RBFOX1: variants seen among roughly 807,000 people sequenced by gnomAD.
The protein encoded by RBFOX1 is RNA binding fox-1 homolog 1.
A neutral mutation model predicts 57.7 loss-of-function variants in RBFOX1; 8 were observed. The ratio of observed to expected loss-of-function variants is 0.14; its 90% CI spans 0.08 to 0.25. RBFOX1 has a LOEUF of 0.25. Ranked by LOEUF, RBFOX1 falls within the 10% of genes least tolerant of loss-of-function variation. The pLI is 1.00. For synonymous variants in RBFOX1, 326 were observed against 222.4 expected, an observed-to-expected ratio of 1.47 and a Z score of -4.15; for missense variants, 611 against 548.5, an observed-to-expected ratio of 1.11 and a Z score of -1.14.
intron 2 of RBFOX1, among the ~76,000 whole-genome samples, chr16:5,591,382 G>A (rs59831431): frequency 0.14 from 21,838 of 151,672 alleles, 2,051 homozygotes; most frequent in East Asian, 0.45. Context: ...CTCCCTAGTA[G>A]CTGGGACTAC....
intron 1 of RBFOX1, among the ~76,000 whole-genome samples, chr16:6,082,740 A>G (rs1391428852): frequency 6.6e-6 from 1 of 152,110 alleles, no homozygotes; most frequent in African/African-American, 2.4e-5. Context: ...GATCACTCAA[A>G]TAGAACTAGG....
chr16:6,611,936 T>C (rs1276003168), intron 2 of RBFOX1, among the ~76,000 whole-genome samples: 1 of 152,142 alleles, frequency 6.6e-6, no homozygotes, highest in Non-Finnish European at 1.5e-5. Context: ...TGGTAGCTTC[T>C]GCAGTCACCT....
intron 3 of RBFOX1, among the ~76,000 whole-genome samples, chr16:6,966,516 C>T (rs995768623): frequency 8.6e-5 from 13 of 151,762 alleles, no homozygotes; most frequent in East Asian, 1.9e-4. Flanking sequence ...GAGGGGCGGA[C>T]GGGGGAAGAC....
At chr16:5,833,174 T>C (rs2151830992) in intron 3 of RBFOX1, among the ~76,000 whole-genome samples, 1 of 152,274 alleles carries the variant, frequency 6.6e-6, no homozygotes, top group South Asian at 2.1e-4. Context: ...CTCCTAATTT[T>C]CTAGTCCAGG....
chr16:7,709,697 T>G, intron 15 of RBFOX1: 1 of 1,207,282 alleles, frequency 8.3e-7, no homozygotes, highest in Admixed American at 3.7e-5. Context: ...AGGAATCAGC[T>G]GGGTTTGGGG....
At chr16:6,722,916 G>A (rs1204319590) in intron 3 of RBFOX1, among the ~76,000 whole-genome samples, 1 of 152,206 alleles carries the variant, frequency 6.6e-6, no homozygotes, top group Non-Finnish European at 1.5e-5. Flanking sequence ...GTGAATATTT[G>A]TGGTTGGGGA....
chr16:7,274,450 C>G (rs1209100924), intron 4 of RBFOX1, among the ~76,000 whole-genome samples: 1 of 152,034 alleles, frequency 6.6e-6, no homozygotes, highest in African/African-American at 2.4e-5. Context: ...CAACTTTATG[C>G]AAGCTTAGCA....
At chr16:6,997,415 G>A (rs777589240) in intron 3 of RBFOX1, among the ~76,000 whole-genome samples, 1 of 152,150 alleles carries the variant, frequency 6.6e-6, no homozygotes, top group Non-Finnish European at 1.5e-5. Flanking sequence ...GAGGGAAACG[G>A]CTGCTTGATC....
At chr16:6,661,812 G>A (rs149179029) in intron 3 of RBFOX1, among the ~76,000 whole-genome samples, 66 of 152,300 alleles carry the variant, frequency 4.3e-4, no homozygotes, top group African/African-American at 1.0e-3. Context: ...ATTTAGCGGC[G>A]GGATGCCTGG....
intron 3 of RBFOX1, among the ~76,000 whole-genome samples, chr16:5,856,251 G>A (rs867970962): frequency 2.1e-3 from 45 of 21,184 alleles, no homozygotes; most frequent in Admixed American, 3.8e-3. Context: ...GTATATATAT[G>A]TATATATATG....
intron 1 of RBFOX1, among the ~76,000 whole-genome samples, chr16:6,214,258 T>C (rs1275377133): frequency 6.6e-6 from 1 of 152,124 alleles, no homozygotes; most frequent in Non-Finnish European, 1.5e-5. Context: ...TCAGAATCTT[T>C]AATATGCTAG....
chr16:6,987,459 A>T (rs2090540597), intron 3 of RBFOX1, among the ~76,000 whole-genome samples: 1 of 23,382 alleles, frequency 4.3e-5, no homozygotes, highest in Non-Finnish European at 7.7e-5. Flanking sequence ...CTTTTCAGAC[A>T]CACACACACA....
chr16:5,999,032 A>G (rs1425723583), intron 4 of RBFOX1, among the ~76,000 whole-genome samples: 1 of 152,232 alleles, frequency 6.6e-6, no homozygotes. Flanking sequence ...TGAACACTCC[A>G]TTAATCACAG....
At chr16:5,514,612 T>C (rs2043723644) in intron 2 of RBFOX1, among the ~76,000 whole-genome samples, 2 of 152,128 alleles carry the variant, frequency 1.3e-5, no homozygotes, top group South Asian at 4.1e-4. Flanking sequence ...GGCACTGTTT[T>C]AGGTGCTGAG....
Position 6,097,179 on chromosome 16 carries a change from C to G in RBFOX1, c.-127+77187C>G, listed in dbSNP as rs1183666873. ...CTGTCTGCTGCCTTGTAAGACGTGA[C>G]TTTCGCTTTCTGCCATGATTGTGAG... On this transcript the variant is annotated intron_variant, in intron 1 of 15. Transcript: ENST00000550418. This position sits in a 1 kb window ranked among gnomAD's most constrained non-coding sequence, Gnocchi z 5.0. 6.6e-6 allele frequency among the ~76,000 whole-genome samples: 1 copy of G among 152,160 alleles called. No individual in the cohort carries two copies. The highest frequency in any genetic ancestry group is 1.5e-5 in the Non-Finnish European group (1 of 68,040).
In RBFOX1 at chr16:7,225,905, A is replaced by AATATATATATATATATATATAT. The variant is rs1555600461; in HGVS notation, c.27+173822_27+173823insTATATATATATATATATATATA. 4.7e-4 allele frequency among the ~76,000 whole-genome samples: 44 copies of AATATATATATATATATATATAT among 93,732 alleles called. 2 individuals carry two copies. In the South Asian group the frequency reaches 5.5e-3, roughly 12 times the overall value. 61.5% of individuals were successfully genotyped at this position (93,732 alleles called of 152,430 possible). On this transcript the variant is annotated intron_variant, in intron 4 of 15. Coordinates refer to ENST00000550418, the MANE Select transcript of RBFOX1 (RefSeq NM_018723.4). ...GTACCCTAGAACTTAAAGTATAATA[A>AATATATATATATATATATATAT]ATATATATATATATAAATGTGAATG...
chr16:7,026,988 C>A (rs879556168), intron 3 of RBFOX1, among the ~76,000 whole-genome samples: 2 of 152,124 alleles, frequency 1.3e-5, no homozygotes, highest in Admixed American at 1.3e-4. Flanking sequence ...TACATCAGCA[C>A]CCCTAAGGTT....
intron 4 of RBFOX1, among the ~76,000 whole-genome samples, chr16:5,990,163 T>G (rs573554085): frequency 5.9e-5 from 9 of 152,246 alleles, no homozygotes; most frequent in African/African-American, 1.7e-4. Context: ...TTTTTTACCT[T>G]TTTTTGTGGA....
At chr16:6,426,974 C>T (rs557809924) in intron 2 of RBFOX1, among the ~76,000 whole-genome samples, 6 of 152,226 alleles carry the variant, frequency 3.9e-5, no homozygotes, top group South Asian at 2.1e-4. Flanking sequence ...TATTCTATCT[C>T]GCTGTATAAT....
Sources: allele counts gnomAD v4.1 joint callset (sites outside exome capture counted in the v4.1 genomes callset), GRCh38; gene constraint gnomAD v4.1.1; non-coding constraint Gnocchi (gnomAD v3.1); transcripts MANE v1.5; gene names NCBI Gene and HGNC (gene_info 2026-07-23, HGNC 2026-07-21).